MAGI2: variants seen among roughly 807,000 people sequenced by gnomAD.
MAGI2 encodes the protein membrane-associated guanylate kinase, WW and PDZ domain-containing protein 2.
Under a neutral mutation model 133.3 loss-of-function variants are expected in MAGI2, and 35 were observed. That is an observed-to-expected ratio of 0.26 (90% CI 0.20 to 0.35). The LOEUF (loss-of-function observed/expected upper bound fraction) is 0.35. MAGI2 is among the 10% of genes least tolerant of loss of function. The probability of loss-of-function intolerance (pLI) is 1.00; values close to 1 mark genes in which losing one functional copy is unlikely to be tolerated. For missense variants in MAGI2, 1,636 were observed against 1,863.4 expected (o/e 0.88, Z 2.25); for synonymous variants, 729 against 710.6 (o/e 1.03, Z -0.41).
intron 1 of MAGI2, among the ~76,000 whole-genome samples, chr7:79,243,998 C>A (rs1015132450): frequency 6.6e-6 from 1 of 151,996 alleles, no homozygotes; most frequent in Non-Finnish European, 1.5e-5. Context: ...AGCCCTCAGC[C>A]TTTGGTGGAA....
intron 2 of MAGI2, among the ~76,000 whole-genome samples, chr7:78,657,130 T>A (rs1202029999): frequency 1.3e-5 from 2 of 152,112 alleles, no homozygotes; most frequent in East Asian, 3.8e-4. Context: ...AACAATGAGA[T>A]ACTACTACAT....
intron 21 of MAGI2, among the ~76,000 whole-genome samples, chr7:78,039,293 T>C (rs2151080718): frequency 6.6e-6 from 1 of 152,346 alleles, no homozygotes; most frequent in East Asian, 1.9e-4. Context: ...ATTAATCAAT[T>C]AAATAAGCAT....
Position 78,947,748 on chromosome 7 carries a change from T to C in MAGI2, c.418+59342A>G, listed in dbSNP as rs185232734. Among the ~76,000 whole-genome samples the C allele has an allele frequency of 3.1e-4, 47 of 152,222 alleles. No homozygotes were observed. The South Asian group carries it at 6.4e-3, about 21-fold the overall frequency. ...ATTGACTTCAGGGTCAGTTGCTAGC[T>C]TGGGATAAAATAAACCTTTTGATTA... On this transcript the variant is annotated intron_variant, in intron 2 of 21. Transcript: ENST00000354212.
chr7:79,258,451 C>T (rs1168166943), intron 1 of MAGI2, among the ~76,000 whole-genome samples: 3 of 152,174 alleles, frequency 2.0e-5, no homozygotes, highest in Non-Finnish European at 2.9e-5. Context: ...AGGCCATTCT[C>T]CACAATGCCA....
At chr7:78,245,431 G>A (rs959299602) in intron 10 of MAGI2, among the ~76,000 whole-genome samples, 8 of 152,162 alleles carry the variant, frequency 5.3e-5, no homozygotes, top group Admixed American at 4.6e-4. Flanking sequence ...GGGCAAGATG[G>A]CCAACTAGAA....
At chr7:78,524,373 TA>T (rs1216863533) in intron 3 of MAGI2, among the ~76,000 whole-genome samples, 7 of 146,776 alleles carry the variant, frequency 4.8e-5, no homozygotes, top group Non-Finnish European at 1.0e-4. Context: ...AGAGCTTTAT[TA>T]AAAAAAACTG....
chr7:79,279,580 A>C (rs1282685236), intron 1 of MAGI2, among the ~76,000 whole-genome samples: 1 of 152,034 alleles, frequency 6.6e-6, no homozygotes, highest in African/African-American at 2.4e-5. Flanking sequence ...CAAGTGGGAG[A>C]ATCACTTGAG....
At chr7:78,288,975 T>C (rs1458594925) in intron 9 of MAGI2, among the ~76,000 whole-genome samples, 2 of 152,032 alleles carry the variant, frequency 1.3e-5, no homozygotes, top group Non-Finnish European at 2.9e-5. Flanking sequence ...AGACCAAAGG[T>C]AGATAAAACC....
intron 2 of MAGI2, among the ~76,000 whole-genome samples, chr7:78,755,277 G>T (rs1823835950): frequency 6.6e-6 from 1 of 152,130 alleles, no homozygotes; most frequent in South Asian, 2.1e-4. Flanking sequence ...TTCTAGTTTG[G>T]CCTCAGTGGT....
At chr7:79,218,246 C>A (rs753102466) in intron 1 of MAGI2, among the ~76,000 whole-genome samples, 1 of 152,026 alleles carries the variant, frequency 6.6e-6, no homozygotes, top group African/African-American at 2.4e-5. Flanking sequence ...ACACGCCACA[C>A]TGTAAAAATC....
chr7:78,653,070 C>T (rs1811749866), intron 2 of MAGI2, among the ~76,000 whole-genome samples: 1 of 152,270 alleles, frequency 6.6e-6, no homozygotes, highest in Middle Eastern at 3.4e-3. Flanking sequence ...AAATGCGAAT[C>T]AAAACCACAA....
At chr7:79,094,230 C>T (rs1817330985) in intron 1 of MAGI2, among the ~76,000 whole-genome samples, 1 of 152,182 alleles carries the variant, frequency 6.6e-6, no homozygotes, top group Non-Finnish European at 1.5e-5. Flanking sequence ...ACAGCATCTT[C>T]AGCAGTAGAA....
rs775941870 is a variant in MAGI2, at chr7:78,167,992, A to G, written c.2520T>C (p.Tyr840=). The part of the protein sequence containing the change: ...GIPVAGKTHR[Y]VIDLMHHAAR... ...CTGCGTGGTGCATGAGGTCGATGAC[A>G]TAGCGGTGGGTTTTGCCGGCTACTG... The change falls in exon 15 of 22, where the codon TAT becomes TAC. Residue 840 remains tyrosine (Y), a synonymous_variant. Transcript: ENST00000354212. The G allele has an allele frequency of 1.0e-4, 167 of 1,614,008 alleles. 2 individuals are homozygous for G. The highest frequency in any genetic ancestry group is 3.3e-4 in the Middle Eastern group (2 of 6,084).
At chr7:79,357,624 T>C (rs1458164556) in intron 1 of MAGI2, among the ~76,000 whole-genome samples, 2 of 152,168 alleles carry the variant, frequency 1.3e-5, no homozygotes, top group African/African-American at 4.8e-5. Flanking sequence ...AAAAGATCTA[T>C]GACATTAATC....
chr7:79,310,485 A>G (rs1838198474), intron 1 of MAGI2, among the ~76,000 whole-genome samples: 1 of 152,166 alleles, frequency 6.6e-6, no homozygotes, highest in Non-Finnish European at 1.5e-5. Flanking sequence ...TCTGCATTTT[A>G]ACAAATACTC....
intron 2 of MAGI2, among the ~76,000 whole-genome samples, chr7:78,838,450 T>G (rs1435445139): frequency 4.0e-5 from 6 of 151,836 alleles, no homozygotes; most frequent in Non-Finnish European, 5.9e-5. Flanking sequence ...CCTATTCCAT[T>G]TTTTTCTCTC....
intron 3 of MAGI2, among the ~76,000 whole-genome samples, chr7:78,592,307 T>C (rs1443555398): frequency 6.6e-6 from 1 of 152,056 alleles, no homozygotes; most frequent in African/African-American, 2.4e-5. Flanking sequence ...AAACATTTTT[T>C]TCTGTAAAGG....
chr7:78,593,519 C>T (rs1211910223), intron 3 of MAGI2, among the ~76,000 whole-genome samples: 3 of 152,132 alleles, frequency 2.0e-5, no homozygotes. Flanking sequence ...GCAGGGAGAA[C>T]CTACATGGGA....
At chr7:79,001,859 A>G (rs1425847700) in intron 2 of MAGI2, among the ~76,000 whole-genome samples, 1 of 152,206 alleles carries the variant, frequency 6.6e-6, no homozygotes, top group Non-Finnish European at 1.5e-5. Flanking sequence ...ATCTCTAAAT[A>G]AATGCTGCTA....
Sources: allele counts gnomAD v4.1 joint callset (sites outside exome capture counted in the v4.1 genomes callset), GRCh38; gene constraint gnomAD v4.1.1; transcripts MANE v1.5; gene names NCBI Gene and HGNC (gene_info 2026-07-23, HGNC 2026-07-21).